The following NAAA variants were observed in gnomAD, a reference collection of about 807,000 sequenced individuals.
NAAA encodes N-acylethanolamine acid amidase, also known as N-acylethanolamine-hydrolyzing acid amidase.
A neutral mutation model predicts 44.8 loss-of-function variants in NAAA; 39 were observed. That is an observed-to-expected ratio of 0.87 (90% CI 0.67 to 1.14). The LOEUF (loss-of-function observed/expected upper bound fraction) is 1.14. Ranked by LOEUF, NAAA falls within the 50% of genes most tolerant of loss-of-function variation. The probability of loss-of-function intolerance (pLI) is 0.00; values close to 1 mark genes in which losing one functional copy is unlikely to be tolerated. For synonymous variants in NAAA, 178 were observed against 191.3 expected (o/e 0.93, Z 0.58); for missense variants, 460 against 467.8 (o/e 0.98, Z 0.15).
rs758120876 is a variant in NAAA at position 75,914,966 on chromosome 4, C to A, written c.1018G>T (p.Val340Leu). The change falls in exon 10 of 11, where the codon GTA becomes TTA. Residue 340 changes from valine (V) to leucine (L), a missense_variant. Transcript: ENST00000286733. ...VYNNFTIYTTVMSAGSPDKYM... is the reference protein window; with the variant it reads ...VYNNFTIYTTLMSAGSPDKYM... ...TTGTCTGGGCTACCGGCGCTCATTACCGTAGTATAAATTGTGAAGCTGAAA... is the reference window on the plus strand; with the variant it reads ...TTGTCTGGGCTACCGGCGCTCATTAACGTAGTATAAATTGTGAAGCTGAAA... The A allele has an allele frequency of 6.2e-7, 1 of 1,613,164 alleles. No individual in the cohort carries two copies. Among genetic ancestry groups the A allele is most frequent in the Admixed American group, 1.7e-5 (1 of 60,002 alleles).
chr4:75,919,564 C>T (rs1394024670), intron 8 of NAAA: 5 of 336,292 alleles, frequency 1.5e-5, no homozygotes, highest in East Asian at 5.3e-5. Flanking sequence ...CTGCAAGCTC[C>T]GCCTTCCGGG....
Position 75,940,825 on chromosome 4 carries a change from G to T in NAAA, c.125C>A (p.Ser42Ter). 1 of 1,596,402 alleles carries T rather than the reference G, an allele frequency of 6.3e-7. No homozygotes were observed. The part of the protein sequence containing the change: ...AAPRFNVSLD[S>*]VPELRWLPVL... ...GGGCAGCCAGCGCAGCTCGGGGACCGAGTCCAGGCTCACGTTGAAGCGCGG... is the reference window on the plus strand; with the variant it reads ...GGGCAGCCAGCGCAGCTCGGGGACCTAGTCCAGGCTCACGTTGAAGCGCGG... Residue 42 changes from serine to a stop codon, truncating the protein, a stop_gained, in exon 1 of 11, where the codon TCG becomes TAG. Coordinates refer to ENST00000286733, the MANE Select transcript of NAAA (RefSeq NM_014435.4). LOFTEE classifies it high-confidence loss of function.
At chr4:75,939,381 A>C (rs1728016252) in intron 2 of NAAA, among the ~76,000 whole-genome samples, 1 of 152,104 alleles carries the variant, frequency 6.6e-6, no homozygotes, top group South Asian at 2.1e-4. Flanking sequence ...GCTTAGTTTC[A>C]AAAACTTCCT....
chr4:75,921,590 T>C (rs1405822670), intron 5 of NAAA, among the ~76,000 whole-genome samples: 1 of 152,074 alleles, frequency 6.6e-6, no homozygotes, highest in Non-Finnish European at 1.5e-5. Context: ...GGTGACACAG[T>C]GTAATGAGAG....
chr4:75,921,608 A>T (rs1726169192), intron 5 of NAAA, among the ~76,000 whole-genome samples: 1 of 152,202 alleles, frequency 6.6e-6, no homozygotes, highest in Non-Finnish European at 1.5e-5. Context: ...GAGTTCACAT[A>T]GGAGAATAAG....
intron 5 of NAAA, among the ~76,000 whole-genome samples, chr4:75,923,373 C>T (rs903654697): frequency 6.6e-6 from 1 of 152,086 alleles, no homozygotes; most frequent in African/African-American, 2.4e-5. Flanking sequence ...CAAAAAGTAG[C>T]CCAAGAAGTT....
intron 3 of NAAA, among the ~76,000 whole-genome samples, chr4:75,932,360 T>C (rs1045871051): frequency 2.0e-5 from 3 of 152,258 alleles, no homozygotes; most frequent in African/African-American, 7.2e-5. Context: ...ACATTTAAAT[T>C]TTAAATATTT....
intron 3 of NAAA, among the ~76,000 whole-genome samples, chr4:75,932,660 T>C (rs906926449): frequency 6.6e-6 from 1 of 151,906 alleles, no homozygotes; most frequent in Non-Finnish European, 1.5e-5. Flanking sequence ...TATATAAATA[T>C]ATACAAAATT....
At position 75,918,757 on chromosome 4, in the gene NAAA, T is replaced by G; in HGVS notation, c.998+4A>C. The G allele has an allele frequency of 6.2e-7, 1 of 1,613,168 alleles. No individual in the cohort carries two copies. The highest frequency in any genetic ancestry group is 8.5e-7 in the Non-Finnish European group (1 of 1,179,252). On this transcript the variant is annotated splice_donor_region_variant and intron_variant, in intron 9 of 10. Coordinates refer to ENST00000286733, the MANE Select transcript of NAAA (RefSeq NM_014435.4). ...TGAACAGACATGTTTAACAAGCCAC[T>G]TACTTGTTATAAACTGGAACCACCG... is the stretch of plus-strand genomic sequence containing the variant.
At chr4:75,915,998 C>T (rs1725592510) in intron 9 of NAAA, among the ~76,000 whole-genome samples, 1 of 152,202 alleles carries the variant, frequency 6.6e-6, no homozygotes, top group East Asian at 1.9e-4. Context: ...TTAAAGACAG[C>T]ACTGTAAGCA....
At chr4:75,926,926 C>A (rs879510772) in intron 4 of NAAA, among the ~76,000 whole-genome samples, 1 of 151,720 alleles carries the variant, frequency 6.6e-6, no homozygotes, top group Non-Finnish European at 1.5e-5. Flanking sequence ...ATTGCTTGAG[C>A]GCTGTTGGTC....
chr4:75,920,165 C>T (rs1029950770), intron 7 of NAAA, among the ~76,000 whole-genome samples, 190 bp from the exon 8 acceptor site: 2 of 152,168 alleles, frequency 1.3e-5, no homozygotes, highest in Non-Finnish European at 1.5e-5. Flanking sequence ...GCAGCTGGGA[C>T]GGTTGGCACC....
intron 2 of NAAA, among the ~76,000 whole-genome samples, chr4:75,938,912 C>T (rs962492468): frequency 1.3e-5 from 2 of 152,148 alleles, no homozygotes; most frequent in African/African-American, 4.8e-5. Flanking sequence ...TGCAATGGTG[C>T]CATCTTGGCT....
chr4:75,931,968 G>T (rs906955710), intron 3 of NAAA, among the ~76,000 whole-genome samples: 1 of 152,182 alleles, frequency 6.6e-6, no homozygotes, highest in African/African-American at 2.4e-5. Flanking sequence ...AGTGGCTCAC[G>T]CCTGTAATCC....
At chr4:75,921,246 G>GCT in intron 5 of NAAA, 123 bp from the exon 6 acceptor site, 1 of 892,594 alleles carries the variant, frequency 1.1e-6, no homozygotes, top group Non-Finnish European at 1.6e-6. Context: ...ACCTTGATCT[G>GCT]CTCTGACCTT....
intron 9 of NAAA, among the ~76,000 whole-genome samples, chr4:75,918,174 C>A (rs1324981779): frequency 2.6e-5 from 4 of 152,132 alleles, no homozygotes; most frequent in African/African-American, 4.8e-5. Flanking sequence ...CCAGAGCTGG[C>A]CGGGCGCAGT....
rs777195986 is a variant in NAAA, at chr4:75,940,064, C to T, written c.308G>A (p.Cys103Tyr). The change falls in exon 2 of 11, where the codon TGT (cysteine) becomes TAT (tyrosine). Residue 103 changes from cysteine to tyrosine, a missense_variant. By Grantham distance (194) the Cys-to-Tyr change is radical. Transcript: ENST00000286733. ...QPFTGEIRGMCDFMNLSLADC... is the reference protein window; with the variant it reads ...QPFTGEIRGMYDFMNLSLADC... ...CGCCAGGCTGAGGTTCATGAAGTCA[C>T]ACATGCCGCGGATCTCGCCGGTGAA... is the stretch of plus-strand genomic sequence containing the variant. The T allele has an allele frequency of 5.0e-6, 8 of 1,614,148 alleles. No individual in the cohort carries two copies. The highest frequency in any genetic ancestry group is 6.8e-6 in the Non-Finnish European group (8 of 1,180,040).
chr4:75,911,069 C>T (rs540119724), downstream of NAAA, among the ~76,000 whole-genome samples: 4 of 151,668 alleles, frequency 2.6e-5, no homozygotes, highest in African/African-American at 9.7e-5. Flanking sequence ...GAGGGTGTAT[C>T]GTACAAAGTA....
chr4:75,919,743 G>T (rs1319784996), intron 8 of NAAA, 166 bp downstream of exon 8: 5 of 672,970 alleles, frequency 7.4e-6, no homozygotes, highest in Admixed American at 5.1e-5. Context: ...CTCCCAAAGT[G>T]CTGGGATTAC....
Sources: allele counts gnomAD v4.1 joint callset (sites outside exome capture counted in the v4.1 genomes callset), GRCh38; gene constraint gnomAD v4.1.1; transcripts MANE v1.5; gene names NCBI Gene and HGNC (gene_info 2026-07-23, HGNC 2026-07-21).